Variants in PRCD observed in about 807,000 individuals in gnomAD.
PRCD encodes photoreceptor disc component, also known as photoreceptor disk component PRCD.
PRCD carries 12 observed loss-of-function variants against 10.1 expected under a neutral mutation model. The ratio of observed to expected loss-of-function variants is 1.18; its 90% CI spans 0.76 to 1.92. The LOEUF is 1.92. PRCD is among the 40% of genes most tolerant of loss of function. PRCD has a pLI of 0.00. For synonymous variants in PRCD, 31 were observed against 26.2 expected (o/e 1.18, Z -0.56); for missense variants, 61 against 72.2 (o/e 0.84, Z 0.56).
intron 1 of PRCD, chr17:76,551,029 G>T (rs1445731986): frequency 6.6e-6 from 1 of 152,236 alleles, no homozygotes; most frequent in Non-Finnish European, 1.5e-5. Flanking sequence ...GCAGAGCTGG[G>T]ACTTTCCTCC....
At chr17:76,537,291 C>T, upstream of PRCD, 1 of 1,265,722 alleles carries the variant, frequency 7.9e-7, no homozygotes, top group Non-Finnish European at 1.0e-6. Context: ...CGGCCCCATT[C>T]GCGGCTGGGG....
chr17:76,539,944 C>A (rs2074965704), upstream of PRCD: 6 of 614,804 alleles, frequency 9.8e-6, no homozygotes, highest in Admixed American at 8.4e-5. Context: ...GAGGGGAGAA[C>A]CTGGGCCCAG....
At chr17:76,532,108 C>T (rs79201272) in intron 1 of PRCD, 2,642 of 168,326 alleles carry the variant, frequency 0.016, 90 homozygotes, top group African/African-American at 0.058. Context: ...CAAAATACTG[C>T]TTTCATGAAG....
At chr17:76,535,390 G>C (rs975587259), upstream of PRCD, among the ~76,000 whole-genome samples, 1 of 152,176 alleles carries the variant, frequency 6.6e-6, no homozygotes, top group Non-Finnish European at 1.5e-5. Context: ...CAGGATCTGA[G>C]AAGGGACCTT....
chr17:76,551,434 T>C (rs2075108048), intron 1 of PRCD: 1 of 152,254 alleles, frequency 6.6e-6, no homozygotes, highest in Non-Finnish European at 1.5e-5. Flanking sequence ...CATCGCTTTT[T>C]TTCCTGTACA....
intron 1 of PRCD, chr17:76,551,771 A>AT (rs1474926299): frequency 1.3e-5 from 2 of 152,038 alleles, no homozygotes; most frequent in Non-Finnish European, 2.9e-5. Context: ...TCATAGCGTA[A>AT]TTTTTTTAGG....
At position 76,540,121 on chromosome 17, in the gene PRCD, A is replaced by C; in HGVS notation, c.-21A>C. 6.3e-7 allele frequency: 1 copy of C among 1,593,664 alleles called. No individual in the cohort carries two copies. Among genetic ancestry groups the C allele is most frequent in the Admixed American group, 1.8e-5 (1 of 57,100 alleles). On this transcript the variant is annotated 5_prime_UTR_variant, in exon 1 of 5. Transcript: ENST00000592014. The surrounding 1 kb of genome is among the most constrained non-coding windows in gnomAD (Gnocchi z 5.0). ...TGGCCTTCTGCAGACTTGGCCTGGGAGGGGATGGGGCAGCTGCGCCATGTG... is the reference window on the plus strand; with the variant it reads ...TGGCCTTCTGCAGACTTGGCCTGGGCGGGGATGGGGCAGCTGCGCCATGTG...
chr17:76,549,665 A>G (rs895612818), downstream of PRCD, among the ~76,000 whole-genome samples: 1 of 152,268 alleles, frequency 6.6e-6, no homozygotes, highest in African/African-American at 2.4e-5. Context: ...CAAACTGGAA[A>G]CAACCCAAAT....
rs1567910879 is a variant in PRCD at position 76,540,199 on chromosome 17, GCCAACCGAGT to G, written c.66_74+1del. The G allele has an allele frequency of 7.1e-7, 1 of 1,401,708 alleles. No homozygotes were observed. Among genetic ancestry groups the G allele is most frequent in the Non-Finnish European group, 9.5e-7 (1 of 1,053,332 alleles). The allele number at this position is 1,401,708 out of a possible 1,614,324, so 86.8% of individuals were successfully genotyped here. ...GGCCATGCTCTGGCGCCGCCGATTTGCCAACCGAGTCCAACCGTGAGAAACTGACCGGGCT... is the reference window on the plus strand; with the variant it reads ...GGCCATGCTCTGGCGCCGCCGATTTGCCAACCGTGAGAAACTGACCGGGCT... On this transcript the variant is annotated frameshift_variant, in exon 1 of 5. Transcript: ENST00000592014. LOFTEE classifies it high-confidence loss of function. The surrounding 1 kb of genome is among the most constrained non-coding windows in gnomAD (Gnocchi z 5.0).
chr17:76,530,886 C>T lies in PRCD; in HGVS notation n.45+3053C>T, dbSNP rs968905628. ...CCTCAAGTGTGCCTGCCCAGGTGATCAGCCCCAGGGCCTCAGGAGATATGG... is the reference window on the plus strand; with the variant it reads ...CCTCAAGTGTGCCTGCCCAGGTGATTAGCCCCAGGGCCTCAGGAGATATGG... On this transcript the variant is annotated intron_variant and non_coding_transcript_variant, in intron 1 of 4. Coordinates refer to the PRCD transcript ENST00000397633. The surrounding 1 kb of genome is among the most constrained non-coding windows in gnomAD (Gnocchi z 6.1). 2.2e-6 allele frequency: 3 copies of T among 1,376,554 alleles called. No individual in the cohort carries two copies. Among genetic ancestry groups the T allele is most frequent in the South Asian group, 3.0e-5 (2 of 67,122 alleles). The allele number at this position is 1,376,554 out of a possible 1,614,324, so 85.3% of individuals were successfully genotyped here. A position where few individuals can be genotyped will look rare whatever the true frequency, so the allele number is the denominator to read the frequency against.
At chr17:76,538,053 G>C (rs912088140), upstream of PRCD, 4 of 152,636 alleles carry the variant, frequency 2.6e-5, no homozygotes, top group African/African-American at 9.6e-5. Flanking sequence ...GGCCGGGAGC[G>C]CTGGGTTCCG....
downstream of PRCD, among the ~76,000 whole-genome samples, chr17:76,547,617 C>T (rs1427367414): frequency 6.6e-6 from 1 of 150,870 alleles, no homozygotes; most frequent in Non-Finnish European, 1.5e-5. Context: ...GAGGCCAATC[C>T]TGTCCCTATG....
chr17:76,547,985 TACACATTCACAC>T (rs1034547692), downstream of PRCD, among the ~76,000 whole-genome samples: 5 of 148,232 alleles, frequency 3.4e-5, no homozygotes, highest in African/African-American at 1.0e-4. Context: ...TACACATACA[TACACATTCACAC>T]ACACATTCAC....
At chr17:76,547,662 CATAT>C (rs374150984), downstream of PRCD, among the ~76,000 whole-genome samples, 2 of 133,672 alleles carry the variant, frequency 1.5e-5, no homozygotes, top group Admixed American at 7.6e-5. Context: ...CACACACACA[CATAT>C]TCACACACAG....
chr17:76,534,791 C>T (rs148543015), intron 1 of PRCD, among the ~76,000 whole-genome samples: 37 of 152,344 alleles, frequency 2.4e-4, no homozygotes, highest in African/African-American at 8.4e-4. Context: ...GCCTCAACAC[C>T]CACCACCGGG....
At chr17:76,537,272 A>C, upstream of PRCD, 1 of 1,118,366 alleles carries the variant, frequency 8.9e-7, no homozygotes. Flanking sequence ...TGCTCCGCCG[A>C]CCTCGGACCG....
rs754238529 is a variant in PRCD, at chr17:76,543,060, G to C, written c.*91G>C. The C allele has an allele frequency of 6.4e-6, 3 of 472,022 alleles. No individual in the cohort carries two copies. Among genetic ancestry groups the C allele is most frequent in the Non-Finnish European group, 1.3e-5 (3 of 227,746 alleles). 29.2% of individuals were successfully genotyped at this position (472,022 alleles called of 1,614,324 possible). A position where few individuals can be genotyped will look rare whatever the true frequency, so the allele number is the denominator to read the frequency against. On this transcript the variant is annotated 3_prime_UTR_variant, in exon 4 of 5. Transcript: ENST00000592014. ...TCCTGGTTCGTCCCCTAGCCCAGGA[G>C]GATGCTGTGGGAGCTGCAGCAGCGG...
Position 76,530,762 on chromosome 17 carries a change from G to C in PRCD, n.45+2929G>C, listed in dbSNP as rs2074827028. 6.6e-6 allele frequency among the ~76,000 whole-genome samples: 1 copy of C among 152,128 alleles called. No individual in the cohort carries two copies. ...GGCTCTTTGGGAGGATTTTTGCTCA[G>C]GGCTCATGGCTCTGAGCAGCCTGAA... is the stretch of plus-strand genomic sequence containing the variant. On this transcript the variant is annotated intron_variant and non_coding_transcript_variant, in intron 1 of 4. Transcript: ENST00000397633. This position sits in a 1 kb window ranked among gnomAD's most constrained non-coding sequence, Gnocchi z 6.1.
chr17:76,546,115 G>C (rs1052428869), downstream of PRCD: 1 of 152,392 alleles, frequency 6.6e-6, no homozygotes, highest in Non-Finnish European at 1.5e-5. The surrounding 1 kb of genome is among the most constrained non-coding windows in gnomAD (Gnocchi z 4.5). Flanking sequence ...CAAGACGGGA[G>C]GCGCTGCCCT....
Sources: allele counts gnomAD v4.1 joint callset (sites outside exome capture counted in the v4.1 genomes callset), GRCh38; gene constraint gnomAD v4.1.1; non-coding constraint Gnocchi (gnomAD v3.1); transcripts MANE v1.5; gene names NCBI Gene and HGNC (gene_info 2026-07-23, HGNC 2026-07-21).